LRP1B: variants seen among roughly 807,000 people sequenced by gnomAD.
The protein encoded by LRP1B is LDL receptor related protein 1B, also known as low-density lipoprotein receptor-related protein 1B.
LRP1B carries 217 observed loss-of-function variants against 556.6 expected under a neutral mutation model. That is an observed-to-expected ratio of 0.39 (90% confidence interval 0.35 to 0.44). The LOEUF is 0.44. LRP1B is among the 20% of genes least tolerant of loss of function. The pLI is 1.00. For missense variants in LRP1B, 5,053 were observed against 5,620.8 expected (o/e 0.90, Z 3.23); for synonymous variants, 2,047 against 1,865.8 (o/e 1.10, Z -2.50).
intron 6 of LRP1B, among the ~76,000 whole-genome samples, chr2:141,192,850 A>T (rs1270704332): frequency 6.6e-6 from 1 of 152,080 alleles, no homozygotes; most frequent in Non-Finnish European, 1.5e-5. Flanking sequence ...AAATACAAGC[A>T]ACTATGTTTT....
At chr2:141,619,098 T>A (rs1688411595) in intron 2 of LRP1B, among the ~76,000 whole-genome samples, 1 of 152,156 alleles carries the variant, frequency 6.6e-6, no homozygotes, top group Non-Finnish European at 1.5e-5. Flanking sequence ...GTGCTTCCTA[T>A]CCTGTTTGAT....
chr2:141,486,599 T>C (rs1229023089), intron 2 of LRP1B, among the ~76,000 whole-genome samples: 1 of 152,050 alleles, frequency 6.6e-6, no homozygotes, highest in East Asian at 1.9e-4. Flanking sequence ...TCCCCGCAGC[T>C]AACCTCTCTA....
intron 55 of LRP1B, among the ~76,000 whole-genome samples, chr2:140,497,106 T>A (rs146788978): frequency 0.041 from 6,245 of 151,978 alleles, 164 homozygotes; most frequent in Non-Finnish European, 0.047. Context: ...CAATTTCATC[T>A]GAAATTAATT....
chr2:141,239,463 A>G (rs899183708), intron 5 of LRP1B, among the ~76,000 whole-genome samples: 2 of 152,142 alleles, frequency 1.3e-5, no homozygotes, highest in African/African-American at 4.8e-5. Context: ...GTTTTGCATC[A>G]TCTTTACAAC....
chr2:141,618,163 G>A (rs944814692), intron 2 of LRP1B, among the ~76,000 whole-genome samples: 4 of 151,970 alleles, frequency 2.6e-5, no homozygotes, highest in African/African-American at 9.7e-5. Context: ...GAAAATTATT[G>A]TCCTTTCTCT....
chr2:142,055,539 C>T (rs1327317751), intron 1 of LRP1B, among the ~76,000 whole-genome samples: 1 of 152,136 alleles, frequency 6.6e-6, no homozygotes. Flanking sequence ...TTGAGCCTTA[C>T]ATACAACCCA....
At chr2:141,027,092 T>C (rs1698237343) in intron 11 of LRP1B, among the ~76,000 whole-genome samples, 1 of 152,062 alleles carries the variant, frequency 6.6e-6, no homozygotes, top group Non-Finnish European at 1.5e-5. Flanking sequence ...TAGGCAAAGT[T>C]TCCTTGGAAG....
intron 41 of LRP1B, among the ~76,000 whole-genome samples, chr2:140,678,366 G>A (rs1685744029): frequency 6.6e-6 from 1 of 152,080 alleles, no homozygotes; most frequent in South Asian, 2.1e-4. Context: ...AGTAATTTTA[G>A]GAGATATTTG....
At chr2:141,544,358 C>CTTTTCTTCTT (rs1406295621) in intron 2 of LRP1B, among the ~76,000 whole-genome samples, 12 of 96,650 alleles carry the variant, frequency 1.2e-4, no homozygotes, top group African/African-American at 4.2e-4. Context: ...TCTTCTTCTT[C>CTTTTCTTCTT]TTCTTCTTCT....
chr2:140,345,276 T>G (rs1681592129), intron 77 of LRP1B, among the ~76,000 whole-genome samples: 2 of 151,908 alleles, frequency 1.3e-5, no homozygotes, highest in Admixed American at 6.6e-5. Flanking sequence ...CCTAAATTTC[T>G]TAAGGTCCTT....
At chr2:142,010,148 G>T (rs1337020142) in intron 1 of LRP1B, among the ~76,000 whole-genome samples, 1 of 152,092 alleles carries the variant, frequency 6.6e-6, no homozygotes, top group South Asian at 2.1e-4. Flanking sequence ...AACTGAGGGG[G>T]AGGGTTTACT....
At chr2:141,646,935 G>T (rs572665940) in intron 2 of LRP1B, among the ~76,000 whole-genome samples, 2 of 152,150 alleles carry the variant, frequency 1.3e-5, no homozygotes, top group Admixed American at 6.6e-5. Context: ...GTAGCAGTGG[G>T]TATAGAGAGA....
intron 1 of LRP1B, among the ~76,000 whole-genome samples, chr2:142,002,615 A>T (rs1702687378): frequency 6.6e-6 from 1 of 151,852 alleles, no homozygotes; most frequent in Non-Finnish European, 1.5e-5. Flanking sequence ...TAAGTGTCAC[A>T]ACATGAAATA....
chr2:142,012,652 T>C (rs1702992402), intron 1 of LRP1B, among the ~76,000 whole-genome samples: 1 of 152,150 alleles, frequency 6.6e-6, no homozygotes, highest in African/African-American at 2.4e-5. Context: ...TAGCTCTACT[T>C]AGCTGTTTGT....
intron 43 of LRP1B, among the ~76,000 whole-genome samples, chr2:140,567,027 C>T (rs537312842): frequency 9.9e-5 from 15 of 152,180 alleles, no homozygotes; most frequent in African/African-American, 1.4e-4. Flanking sequence ...AACTAAGCAG[C>T]GGCACATCCC....
chr2:141,140,066 G>C (rs745340983), intron 7 of LRP1B, among the ~76,000 whole-genome samples: 2 of 151,948 alleles, frequency 1.3e-5, no homozygotes, highest in Non-Finnish European at 2.9e-5. Flanking sequence ...AAATAACTAT[G>C]CTGGGTGAAA....
At chr2:141,548,782 G>A (rs1307600906) in intron 2 of LRP1B, among the ~76,000 whole-genome samples, 2 of 152,114 alleles carry the variant, frequency 1.3e-5, no homozygotes, top group Non-Finnish European at 2.9e-5. Context: ...TGGTATGGCT[G>A]AATAATAAGA....
intron 7 of LRP1B, among the ~76,000 whole-genome samples, chr2:141,163,013 G>A (rs189656722): frequency 3.3e-5 from 5 of 152,166 alleles, no homozygotes; most frequent in East Asian, 1.9e-4. Flanking sequence ...GTTTGTCATC[G>A]TCAATCCACA....
At chr2:141,881,650 AT>A (rs773014636) in intron 1 of LRP1B, among the ~76,000 whole-genome samples, 31 of 152,138 alleles carry the variant, frequency 2.0e-4, no homozygotes, top group African/African-American at 6.7e-4. Flanking sequence ...ATTTTAAAAA[AT>A]ATATTATTAG....
Sources: gnomAD v4.1 joint callset for allele counts (sites outside exome capture counted in the v4.1 genomes callset) on GRCh38, gnomAD v4.1.1 for gene constraint, MANE v1.5 for transcripts, NCBI Gene and HGNC (gene_info 2026-07-23, HGNC 2026-07-21) for gene names.